IL1RAPL1: variants seen among roughly 807,000 people sequenced by gnomAD.
IL1RAPL1 encodes interleukin-1 receptor accessory protein-like 1.
Under a neutral mutation model 48.4 loss-of-function variants are expected in IL1RAPL1, and 3 were observed. That is an observed-to-expected ratio of 0.06 (90% CI 0.03 to 0.16). The LOEUF (loss-of-function observed/expected upper bound fraction) is 0.16. Among genes scored for constraint, IL1RAPL1 ranks in the 10% least tolerant of loss-of-function variants. The pLI, the probability that IL1RAPL1 is intolerant of heterozygous loss-of-function variation, is 1.00. For synonymous variants in IL1RAPL1, 185 were observed against 187.7 expected (o/e 0.99, Z 0.12); for missense variants, 349 against 530.6 (o/e 0.66, Z 3.36).
intron 6 of IL1RAPL1, among the ~76,000 whole-genome samples, chrX:29,722,525 A>C (rs1927662540): frequency 8.9e-6 from 1 of 111,962 alleles, no homozygotes; most frequent in South Asian, 3.7e-4. Flanking sequence ...TTTGAGTGAT[A>C]AATCTTTTTT....
chrX:28,659,408 A>G (rs1934789210), intron 1 of IL1RAPL1: 1 of 535,895 alleles, frequency 1.9e-6, no homozygotes, highest in Non-Finnish European at 3.4e-6. Context: ...TTTTGTAGCC[A>G]GTTGCTTCCC....
At chrX:28,796,463 G>C (rs1399112699) in intron 2 of IL1RAPL1, among the ~76,000 whole-genome samples, 1 of 111,910 alleles carries the variant, frequency 8.9e-6, no homozygotes, top group African/African-American at 3.3e-5. Context: ...TACAAGCATT[G>C]GGTAAATACA....
At chrX:28,909,181 T>G (rs1923297047) in intron 2 of IL1RAPL1, among the ~76,000 whole-genome samples, 1 of 111,926 alleles carries the variant, frequency 8.9e-6, no homozygotes, top group Non-Finnish European at 1.9e-5. Flanking sequence ...CCATTCACAT[T>G]TCAAGTAAAT....
intron 2 of IL1RAPL1, among the ~76,000 whole-genome samples, chrX:28,964,851 A>G (rs867442789): frequency 9.0e-6 from 1 of 110,989 alleles, no homozygotes; most frequent in Admixed American, 9.6e-5. Flanking sequence ...TTGGGATCAG[A>G]GTCACAGTTT....
At chrX:29,431,338 T>C (rs184583802) in intron 5 of IL1RAPL1, among the ~76,000 whole-genome samples, 1 of 111,043 alleles carries the variant, frequency 9.0e-6, no homozygotes, top group African/African-American at 3.3e-5. Flanking sequence ...ACATAGAATA[T>C]TGCAAATAAA....
At chrX:29,538,541 T>A (rs761124025) in intron 5 of IL1RAPL1, among the ~76,000 whole-genome samples, 16 of 108,669 alleles carry the variant, frequency 1.5e-4, no homozygotes, top group Non-Finnish European at 3.0e-4. Flanking sequence ...TTTCACCATT[T>A]TGGCCAGGCT....
At chrX:29,439,851 G>GTTTTTTTTTTTTTTTTTTTTTT (rs760458968) in intron 5 of IL1RAPL1, among the ~76,000 whole-genome samples, 4 of 59,856 alleles carry the variant, frequency 6.7e-5, no homozygotes, top group Non-Finnish European at 8.7e-5. Context: ...TGTTTGTTTG[G>GTTTTTTTTTTTTTTTTTTTTTT]TTTTTTTTTT....
At chrX:29,481,703 C>G (rs1430705432) in intron 5 of IL1RAPL1, among the ~76,000 whole-genome samples, 1 of 111,819 alleles carries the variant, frequency 8.9e-6, no homozygotes, top group Non-Finnish European at 1.9e-5. Context: ...TTTCCTGCCT[C>G]GTGGAAACTA....
At chrX:29,685,020 AG>A (rs758280661) in intron 6 of IL1RAPL1, among the ~76,000 whole-genome samples, 7 of 112,615 alleles carry the variant, frequency 6.2e-5, no homozygotes, top group African/African-American at 2.3e-4. Flanking sequence ...ACAGAAAGGT[AG>A]TTTGAAGCCA....
intron 3 of IL1RAPL1, among the ~76,000 whole-genome samples, chrX:29,319,178 CTA>C (rs1932783992): frequency 9.7e-6 from 1 of 102,569 alleles, no homozygotes; most frequent in Non-Finnish European, 2.0e-5. Flanking sequence ...ATCTATCTAT[CTA>C]TCTATCTATC....
chrX:29,817,564 C>G (rs1159139844), intron 6 of IL1RAPL1, among the ~76,000 whole-genome samples: 1 of 111,417 alleles, frequency 9.0e-6, no homozygotes, highest in African/African-American at 3.3e-5. Flanking sequence ...AATGATGTCT[C>G]TCTGGGAAAC....
chrX:28,877,272 C>A (rs1922398917), intron 2 of IL1RAPL1, among the ~76,000 whole-genome samples: 1 of 112,332 alleles, frequency 8.9e-6, no homozygotes, highest in Admixed American at 9.4e-5. Context: ...TTTTCTAAAT[C>A]AAATAACTAT....
chrX:29,154,944 T>G (rs1929538283), intron 2 of IL1RAPL1, among the ~76,000 whole-genome samples: 1 of 111,549 alleles, frequency 9.0e-6, no homozygotes, highest in African/African-American at 3.2e-5. Flanking sequence ...AATGATTAAG[T>G]AACTTTCCCA....
intron 3 of IL1RAPL1, among the ~76,000 whole-genome samples, chrX:29,381,627 C>T (rs1294314346): frequency 5.0e-5 from 5 of 99,492 alleles, no homozygotes; most frequent in Admixed American, 1.1e-4. Flanking sequence ...ACAGTCTGGG[C>T]GACATGGAGA....
chrX:29,405,435 C>T (rs5973422), intron 5 of IL1RAPL1, among the ~76,000 whole-genome samples: 5 of 96,445 alleles, frequency 5.2e-5, no homozygotes, highest in Non-Finnish European at 9.8e-5. Flanking sequence ...GGCGGGATCT[C>T]GGCTCACTGC....
At chrX:28,813,489 A>C (rs1936818640) in intron 2 of IL1RAPL1, among the ~76,000 whole-genome samples, 1 of 111,385 alleles carries the variant, frequency 9.0e-6, no homozygotes, top group Non-Finnish European at 1.9e-5. Flanking sequence ...TGTGAGCTTG[A>C]GACAAATATG....
chrX:29,827,067 G>A (rs1340159195), intron 6 of IL1RAPL1, among the ~76,000 whole-genome samples: 1 of 112,143 alleles, frequency 8.9e-6, no homozygotes, highest in Non-Finnish European at 1.9e-5. Flanking sequence ...GTATGGAATA[G>A]CAACTCACTG....
Position 29,774,261 on chromosome X carries a change from C to T in IL1RAPL1, c.778+105757C>T, listed in dbSNP as rs1005180896. Among the ~76,000 whole-genome samples, 8 of 110,024 alleles carry T rather than the reference C, an allele frequency of 7.3e-5. 1 individual carries two copies. Among genetic ancestry groups the T allele is most frequent in the Admixed American group, 3.9e-4 (4 of 10,233 alleles). On this transcript the variant is annotated intron_variant, in intron 6 of 10. Transcript: ENST00000378993. ...TATCCCAGAAAGAAGTGTACTTACA[C>T]GGCTATGGGGGACTGATCTATGCAT...
At chrX:28,758,529 A>G (rs1211934985) in intron 1 of IL1RAPL1, among the ~76,000 whole-genome samples, 4 of 111,079 alleles carry the variant, frequency 3.6e-5, no homozygotes, top group Non-Finnish European at 3.8e-5. Context: ...TCAGTTCTCA[A>G]TGGCCAAAAG....
Sources: allele counts gnomAD v4.1 joint callset (sites outside exome capture counted in the v4.1 genomes callset), GRCh38; gene constraint gnomAD v4.1.1; transcripts MANE v1.5; gene names NCBI Gene and HGNC (gene_info 2026-07-23, HGNC 2026-07-21).